Variants in CDKAL1 observed in about 807,000 individuals in gnomAD.
CDKAL1 encodes the protein threonylcarbamoyladenosine tRNA methylthiotransferase.
Under a neutral mutation model 68.2 loss-of-function variants are expected in CDKAL1, and 32 were observed. That is an observed-to-expected ratio of 0.47 (90% CI 0.35 to 0.63). CDKAL1 has a LOEUF of 0.63. Among genes scored for constraint, CDKAL1 ranks in the 30% least tolerant of loss-of-function variants. The pLI, the probability that CDKAL1 is intolerant of heterozygous loss-of-function variation, is 0.00. For missense variants in CDKAL1, 606 were observed against 696.7 expected, an observed-to-expected ratio of 0.87 and a Z score of 1.47; for synonymous variants, 234 against 244.3, an observed-to-expected ratio of 0.96 and a Z score of 0.39.
intron 6 of CDKAL1, chr6:20,756,271 A>G (rs1187268115): frequency 6.6e-6 from 1 of 152,196 alleles, no homozygotes; most frequent in Non-Finnish European, 1.5e-5. Flanking sequence ...AATATTCTCT[A>G]GCCATCAAGA....
At chr6:20,600,793 C>CATATATAT (rs1227780710) in intron 4 of CDKAL1, among the ~76,000 whole-genome samples, 28 of 86,220 alleles carry the variant, frequency 3.2e-4, no homozygotes, top group African/African-American at 8.6e-4. Flanking sequence ...TATATACACA[C>CATATATAT]ACACACATGA....
chr6:20,551,379 T>TC (rs1461159163), intron 4 of CDKAL1, among the ~76,000 whole-genome samples: 2 of 151,762 alleles, frequency 1.3e-5, no homozygotes, highest in African/African-American at 2.4e-5. Context: ...TCTTTTTTTT[T>TC]TTTTTTGAGA....
At chr6:21,012,917 A>T (rs1004144288) in intron 11 of CDKAL1, among the ~76,000 whole-genome samples, 2 of 152,194 alleles carry the variant, frequency 1.3e-5, no homozygotes, top group Admixed American at 6.5e-5. Flanking sequence ...GTCCCTCACA[A>T]ACTTAGTAGC....
intron 4 of CDKAL1, among the ~76,000 whole-genome samples, chr6:20,570,926 A>G (rs1361737440): frequency 6.6e-6 from 1 of 152,136 alleles, no homozygotes; most frequent in Non-Finnish European, 1.5e-5. Context: ...GGGCTTCTAT[A>G]GTTTATTTTT....
intron 4 of CDKAL1, among the ~76,000 whole-genome samples, chr6:20,638,964 T>C (rs1768037344): frequency 6.6e-6 from 1 of 152,046 alleles, no homozygotes; most frequent in Non-Finnish European, 1.5e-5. Context: ...ACTTCTGAAA[T>C]AATTATATGT....
At chr6:21,116,659 G>C (rs932156306) in intron 13 of CDKAL1, among the ~76,000 whole-genome samples, 4 of 152,034 alleles carry the variant, frequency 2.6e-5, no homozygotes, top group African/African-American at 9.7e-5. Context: ...CTACTTAGCA[G>C]CATATTCTCG....
chr6:20,843,199 ACCT>A (rs1320888751), intron 8 of CDKAL1, among the ~76,000 whole-genome samples: 2 of 152,134 alleles, frequency 1.3e-5, no homozygotes, highest in Non-Finnish European at 2.9e-5. Context: ...AGTCACATTA[ACCT>A]ACCAGTAGCC....
chr6:20,687,727 T>C (rs1195103243), intron 5 of CDKAL1, among the ~76,000 whole-genome samples: 1 of 152,066 alleles, frequency 6.6e-6, no homozygotes, highest in Admixed American at 6.6e-5. Context: ...GATTTTGCCA[T>C]GTTGCCCAGG....
chr6:21,163,787 A>G (rs559254107), intron 13 of CDKAL1, among the ~76,000 whole-genome samples: 1 of 152,104 alleles, frequency 6.6e-6, no homozygotes, highest in South Asian at 2.1e-4. Flanking sequence ...CCCCATCTCT[A>G]CTAAAAATAC....
chr6:21,197,965 G>A (rs1778536805), intron 13 of CDKAL1, 56 bp from the exon 14 acceptor site: 2 of 1,086,996 alleles, frequency 1.8e-6, no homozygotes, highest in Non-Finnish European at 2.7e-6. Context: ...TTTATTTTTG[G>A]ATTCACAGGT....
intron 11 of CDKAL1, among the ~76,000 whole-genome samples, chr6:21,031,818 A>T (rs1422511021): frequency 6.6e-6 from 1 of 152,106 alleles, no homozygotes; most frequent in African/African-American, 2.4e-5. Context: ...CATTTGGAAA[A>T]TGCTTCAATA....
chr6:21,142,998 G>C (rs904215950), intron 13 of CDKAL1, among the ~76,000 whole-genome samples: 1 of 152,116 alleles, frequency 6.6e-6, no homozygotes, highest in Non-Finnish European at 1.5e-5. Flanking sequence ...TGCTTTGTTT[G>C]GAATAGAAGC....
chr6:20,610,338 C>A (rs1471843761), intron 4 of CDKAL1, among the ~76,000 whole-genome samples: 4 of 152,092 alleles, frequency 2.6e-5, no homozygotes, highest in African/African-American at 9.7e-5. Flanking sequence ...GTCTTTAGGT[C>A]TTTGAGGAAT....
chr6:20,732,124 C>T (rs1772961557), intron 5 of CDKAL1, among the ~76,000 whole-genome samples: 1 of 151,888 alleles, frequency 6.6e-6, no homozygotes. Flanking sequence ...AAGCTCACTG[C>T]AGCCTCGACC....
At chr6:20,818,553 T>C (rs1777143810) in intron 8 of CDKAL1, among the ~76,000 whole-genome samples, 1 of 152,062 alleles carries the variant, frequency 6.6e-6, no homozygotes, top group African/African-American at 2.4e-5. Flanking sequence ...TATAGTTCTA[T>C]ATTATGACCA....
chr6:20,855,168 G>T (rs1239914070), intron 9 of CDKAL1, among the ~76,000 whole-genome samples: 3 of 151,834 alleles, frequency 2.0e-5, no homozygotes, highest in South Asian at 2.1e-4. Flanking sequence ...CATGCTGGGC[G>T]CAGTGGCTCA....
intron 8 of CDKAL1, among the ~76,000 whole-genome samples, chr6:20,840,873 A>C (rs1191873608): frequency 1.3e-5 from 2 of 152,190 alleles, no homozygotes; most frequent in Non-Finnish European, 2.9e-5. Flanking sequence ...CATTGTGTGA[A>C]CTTTTGGTTT....
intron 11 of CDKAL1, among the ~76,000 whole-genome samples, chr6:21,002,068 A>G (rs1358891410): frequency 1.3e-5 from 2 of 152,174 alleles, no homozygotes; most frequent in African/African-American, 4.8e-5. Context: ...TAAATGGGCA[A>G]CAATTTCACA....
chr6:21,215,928 A>T (rs1779326791), intron 15 of CDKAL1, among the ~76,000 whole-genome samples: 1 of 152,188 alleles, frequency 6.6e-6, no homozygotes, highest in African/African-American at 2.4e-5. Context: ...TAACATAAGG[A>T]GGGTATACTT....
Sources: gnomAD v4.1 joint callset for allele counts (sites outside exome capture counted in the v4.1 genomes callset) on GRCh38, gnomAD v4.1.1 for gene constraint, MANE v1.5 for transcripts, NCBI Gene and HGNC (gene_info 2026-07-23, HGNC 2026-07-21) for gene names.